Variants in HGFAC observed in about 807,000 individuals in gnomAD.
HGFAC encodes hepatocyte growth factor activator serine protease.
In HGFAC, 76 loss-of-function variants were observed where a neutral mutation model predicts 70.6. The ratio of observed to expected loss-of-function variants is 1.08; its 90% CI spans 0.89 to 1.30. HGFAC has a LOEUF of 1.30. Among genes scored for constraint, HGFAC ranks in the 50% most tolerant of loss-of-function variants. HGFAC has a pLI of 0.00. For missense variants in HGFAC, 1,044 were observed against 933.7 expected (o/e 1.12, Z -1.54); for synonymous variants, 464 against 405.3 (o/e 1.14, Z -1.74).
chr4:3,445,484 A>G, intron 9 of HGFAC, 134 bp downstream of exon 9: 1 of 713,562 alleles, frequency 1.4e-6, no homozygotes, highest in Non-Finnish European at 2.5e-6. Context: ...TCACGGGATC[A>G]GGCTGGTCCA....
At chr4:3,443,594 G>A (rs900597770) in intron 4 of HGFAC, among the ~76,000 whole-genome samples, 174 bp downstream of exon 4, 2 of 152,200 alleles carry the variant, frequency 1.3e-5, no homozygotes, top group African/African-American at 2.4e-5. Context: ...CTCCCAGGTG[G>A]GACCTGCGTC....
In HGFAC at chr4:3,443,126, G is replaced by T. The variant is rs1725370593; in HGVS notation, c.375G>T (p.Glu125Asp). The T allele has an allele frequency of 1.3e-6, 2 of 1,578,602 alleles. No homozygotes were observed. The highest frequency in any genetic ancestry group is 1.7e-6 in the Non-Finnish European group (2 of 1,168,914). Residue 125 changes from glutamate (E) to aspartate (D), a missense_variant, in exon 3 of 14, where the codon GAG becomes GAT. Physicochemically the swap from Glu to Asp is conservative, Grantham distance 45. Coordinates refer to ENST00000382774, the MANE Select transcript of HGFAC (RefSeq NM_001528.4). ...GGRMLHACTSEGSAHRKWCAT... is the reference protein window; with the variant it reads ...GGRMLHACTSDGSAHRKWCAT... ...GCATGCTGCATGCCTGCACTTCGGA[G>T]GGCAGTGCACACAGGAAGTGGTGGG...
chr4:3,445,826 C>T (rs1466419488), intron 9 of HGFAC: 2 of 1,504,022 alleles, frequency 1.3e-6, no homozygotes, highest in Admixed American at 2.0e-5. Context: ...TGTCCAGCCC[C>T]TCTGGCCCTC....
chr4:3,449,263 CGAG>C lies in HGFAC; in HGVS notation c.1813_1815del (p.Glu605del), dbSNP rs768951662. On this transcript the variant is annotated inframe_deletion, in exon 14 of 14. Coordinates refer to ENST00000382774, the MANE Select transcript of HGFAC (RefSeq NM_001528.4). ...GGGACTCAGGGGGGCCCCTGGCCTG[CGAG>C]AAGAACGGCGTGGCTTACCTCTACG... 1 of 1,612,202 alleles carries C rather than the reference CGAG, an allele frequency of 6.2e-7. No individual in the cohort carries two copies. Among genetic ancestry groups the C allele is most frequent in the South Asian group, 1.1e-5 (1 of 91,068 alleles).
intron 5 of HGFAC, 62 bp downstream of exon 5, chr4:3,444,223 G>C: frequency 6.4e-7 from 1 of 1,566,854 alleles, no homozygotes; most frequent in Middle Eastern, 1.7e-4. Context: ...CGGAGGATGG[G>C]AGAACAGGTG....
In HGFAC at chr4:3,443,354, C is replaced by T; in HGVS notation, c.409C>T (p.His137Tyr). The T allele has an allele frequency of 6.5e-7, 1 of 1,541,906 alleles. No individual in the cohort carries two copies. Among genetic ancestry groups the T allele is most frequent in the Non-Finnish European group, 8.8e-7 (1 of 1,142,832 alleles). The part of the protein sequence containing the change: ...SAHRKWCATT[H>Y]NYDRDRAWGY... ...GTCGCCCCCCAGGTGTGCCACAACT[C>T]ACAACTACGACCGGGACAGGGCCTG... Residue 137 changes from histidine (H) to tyrosine (Y), a missense_variant, in exon 4 of 14, where the codon CAC (histidine) becomes TAC (tyrosine). Coordinates refer to ENST00000382774, the MANE Select transcript of HGFAC (RefSeq NM_001528.4).
intron 10 of HGFAC, among the ~76,000 whole-genome samples, 162 bp downstream of exon 10, chr4:3,446,456 G>C (rs1725519165): frequency 6.6e-6 from 1 of 152,122 alleles, no homozygotes; most frequent in Admixed American, 6.5e-5. Flanking sequence ...GGGTCTTGGG[G>C]CTCAGTCCTG....
Position 3,444,402 on chromosome 4 carries a change from C to G in HGFAC, c.690C>G (p.Cys230Trp), listed in dbSNP as rs1487812770. ...VRQGHVEQCE[C>W]FGGRTWCEGT... ...AGGGCCACGTGGAACAGTGCGAGTGCTTCGGGGGCCGGACCTGGTGCGAAG... is the reference window on the plus strand; with the variant it reads ...AGGGCCACGTGGAACAGTGCGAGTGGTTCGGGGGCCGGACCTGGTGCGAAG... Residue 230 changes from cysteine (C) to tryptophan (W), a missense_variant, in exon 6 of 14, where the codon TGC becomes TGG. Physicochemically the swap from Cys to Trp is radical, Grantham distance 215. Coordinates refer to ENST00000382774, the MANE Select transcript of HGFAC (RefSeq NM_001528.4). 3 of 1,604,944 alleles carry G rather than the reference C, an allele frequency of 1.9e-6. No individual in the cohort carries two copies. Among genetic ancestry groups the G allele is most frequent in the African/African-American group, 2.7e-5 (2 of 74,862 alleles).
chr4:3,444,403 T>C lies in HGFAC; in HGVS notation c.691T>C (p.Phe231Leu), dbSNP rs1188904206. ...RQGHVEQCEC[F>L]GGRTWCEGTR... is the part of the protein sequence containing the mutation. ...GGGCCACGTGGAACAGTGCGAGTGC[T>C]TCGGGGGCCGGACCTGGTGCGAAGG... is the stretch of plus-strand genomic sequence containing the variant. Residue 231 changes from phenylalanine to leucine, a missense_variant, in exon 6 of 14, where the codon TTC becomes CTC. Transcript: ENST00000382774. 2 of 1,605,218 alleles carry C rather than the reference T, an allele frequency of 1.2e-6. No individual in the cohort carries two copies. Among genetic ancestry groups the C allele is most frequent in the Non-Finnish European group, 1.7e-6 (2 of 1,177,202 alleles).
At chr4:3,443,240 G>A (rs1353181848) in intron 3 of HGFAC, 94 bp downstream of exon 3, 9 of 1,273,750 alleles carry the variant, frequency 7.1e-6, no homozygotes, top group Admixed American at 4.9e-5. Context: ...CGCTCACCAC[G>A]CAGCAGGCGG....
chr4:3,449,170 T>C, intron 13 of HGFAC, 67 bp from the exon 14 acceptor site: 1 of 1,461,880 alleles, frequency 6.8e-7, no homozygotes, highest in Non-Finnish European at 9.4e-7. Flanking sequence ...AAGCTGCCAC[T>C]TGGGGGAGAG....
intron 9 of HGFAC, chr4:3,445,658 C>G (rs540698145): frequency 3.3e-6 from 2 of 605,902 alleles, no homozygotes; most frequent in Admixed American, 5.9e-5. Flanking sequence ...AGCGTGCAGG[C>G]CCCCCAGAGG....
intron 8 of HGFAC, 101 bp downstream of exon 8, chr4:3,445,094 G>C (rs1011350994): frequency 8.0e-6 from 11 of 1,372,000 alleles, no homozygotes; most frequent in Middle Eastern, 2.6e-4. Flanking sequence ...GGCCAGCTCC[G>C]TCCAGACAGG....
chr4:3,445,326 G>T lies in HGFAC; in HGVS notation c.1078G>T (p.Glu360Ter). 1 of 1,584,704 alleles carries T rather than the reference G, an allele frequency of 6.3e-7. No individual in the cohort carries two copies. Among genetic ancestry groups the T allele is most frequent in the Non-Finnish European group, 8.6e-7 (1 of 1,166,452 alleles). ...GGTGAAGGACAGCGCGCTCTCCTGG[G>T]AGTACTGCCGCCTGGAGGCCTGCGG... ...YVVKDSALSWEYCRLEACESL... is the reference protein window; with the variant it reads ...YVVKDSALSW Residue 360 changes from glutamate (E) to a stop codon, truncating the protein, a stop_gained, in exon 9 of 14, where the codon GAG becomes TAG. Transcript: ENST00000382774. LOFTEE classifies it high-confidence loss of function.
Position 3,448,291 on chromosome 4 carries a change from G to A in HGFAC, c.1785+15G>A, listed in dbSNP as rs111690169. On this transcript the variant is annotated intron_variant, in intron 13 of 13. Transcript: ENST00000382774. The stretch of plus-strand genomic sequence containing the variant: ...ACGCCTGCCAGGTGAGCTGGTGCCC[G>A]CCCCACCAGGACCCGACTGGTGGGG... The A allele has an allele frequency of 2.7e-5, 43 of 1,602,538 alleles. No individual in the cohort carries two copies. Among genetic ancestry groups the A allele is most frequent in the African/African-American group, 2.0e-4 (15 of 74,922 alleles).
intron 8 of HGFAC, 117 bp downstream of exon 8, chr4:3,445,110 G>A: frequency 1.5e-6 from 2 of 1,349,000 alleles, no homozygotes; most frequent in South Asian, 1.4e-5. Context: ...ACAGGCCCCG[G>A]AACCTCTGCC....
At chr4:3,443,987 G>A (rs1054219654) in intron 4 of HGFAC, 52 bp from the exon 5 acceptor site, 1 of 1,520,216 alleles carries the variant, frequency 6.6e-7, no homozygotes, top group Non-Finnish European at 8.8e-7. Context: ...TGTCACAGAG[G>A]GACCCTGAGC....
At chr4:3,442,632 G>A in intron 1 of HGFAC, 100 bp from the exon 2 acceptor site, 1 of 851,776 alleles carries the variant, frequency 1.2e-6, no homozygotes, top group East Asian at 3.0e-5. Context: ...GAGATCTGGG[G>A]GCCCCAGTAT....
Position 3,449,222 on chromosome 4 carries a change from A to C in HGFAC, c.1786-15A>C. The C allele has an allele frequency of 6.2e-7, 1 of 1,606,364 alleles. No homozygotes were observed. The highest frequency in any genetic ancestry group is 1.1e-5 in the South Asian group (1 of 90,594). ...GGCCCCTGGGAGGGTGGCTCTGACCAACGTCTCTGCCCAGGGGGACTCAGG... is the reference window on the plus strand; with the variant it reads ...GGCCCCTGGGAGGGTGGCTCTGACCCACGTCTCTGCCCAGGGGGACTCAGG... On this transcript the variant is annotated splice_polypyrimidine_tract_variant and intron_variant, in intron 13 of 13. Transcript: ENST00000382774.
Sources: gnomAD v4.1 joint callset for allele counts (sites outside exome capture counted in the v4.1 genomes callset) on GRCh38, gnomAD v4.1.1 for gene constraint, MANE v1.5 for transcripts, NCBI Gene and HGNC (gene_info 2026-07-23, HGNC 2026-07-21) for gene names.